The following MAK16 variants were observed in gnomAD, a reference collection of about 807,000 sequenced individuals.
The protein encoded by MAK16 is MAK16 homolog.
Under a neutral mutation model 49.9 loss-of-function variants are expected in MAK16, and 12 were observed. The observed-to-expected ratio is 0.24, with a 90% CI of 0.15 to 0.39. The LOEUF (loss-of-function observed/expected upper bound fraction) is 0.39, where lower values mean the gene tolerates loss of function less well. MAK16 is among the 10% of genes least tolerant of loss of function. The probability of loss-of-function intolerance (pLI) is 1.00; values close to 1 mark genes in which losing one functional copy is unlikely to be tolerated. For synonymous variants in MAK16, 115 were observed against 126.4 expected (o/e 0.91, Z 0.60); for missense variants, 292 against 363.7 (o/e 0.80, Z 1.60).
intron 7 of MAK16, among the ~76,000 whole-genome samples, chr8:33,496,257 C>T (rs1052268476): frequency 1.3e-5 from 2 of 152,070 alleles, no homozygotes; most frequent in African/African-American, 4.8e-5. Flanking sequence ...AGTTTTTATT[C>T]TCTTTTTAAA....
chr8:33,490,317 A>T lies in MAK16; in HGVS notation c.425A>T (p.Glu142Val). The change falls in exon 6 of 10, where the codon GAG becomes GTG. Residue 142 changes from glutamate (E) to valine (V), a missense_variant. Coordinates refer to ENST00000360128, the MANE Select transcript of MAK16 (RefSeq NM_032509.4). ...CTTGTTCCTTTGAGTAAGAAGGTGG[A>T]GCGTAGGGAGAAAAGAAGAGAGGTA... The part of the protein sequence containing the change: ...RKLVPLSKKV[E>V]RREKRREEKA... 1.2e-6 allele frequency: 2 copies of T among 1,613,128 alleles called. No individual in the cohort carries two copies. Among genetic ancestry groups the T allele is most frequent in the South Asian group, 2.2e-5 (2 of 91,012 alleles).
At chr8:33,492,618 A>T (rs1808794965) in intron 6 of MAK16, among the ~76,000 whole-genome samples, 1 of 152,144 alleles carries the variant, frequency 6.6e-6, no homozygotes, top group Non-Finnish European at 1.5e-5. Flanking sequence ...GCATATGGAG[A>T]TCAAGTTTTT....
At chr8:33,494,671 TTA>T (rs1421815274) in intron 6 of MAK16, among the ~76,000 whole-genome samples, 2 of 152,150 alleles carry the variant, frequency 1.3e-5, no homozygotes, top group Non-Finnish European at 2.9e-5. Flanking sequence ...GTTAAATTTT[TTA>T]AGGAAAAAGA....
Position 33,499,239 on chromosome 8 carries a change from T to C in MAK16, c.*610T>C. 1 of 1,614,146 alleles carries C rather than the reference T, an allele frequency of 6.2e-7. No homozygotes were observed. The highest frequency in any genetic ancestry group is 1.3e-5 in the African/African-American group (1 of 75,058). On this transcript the variant is annotated 3_prime_UTR_variant, in exon 10 of 10. Coordinates refer to ENST00000360128, the MANE Select transcript of MAK16 (RefSeq NM_032509.4). ...CTTTTCTGATATAGTTCACCACTTTTCTGTCTTCACAGCTTTGGGGAATTT... is the reference window on the plus strand; with the variant it reads ...CTTTTCTGATATAGTTCACCACTTTCCTGTCTTCACAGCTTTGGGGAATTT...
chr8:33,498,211 G>A (rs942907434), intron 9 of MAK16, among the ~76,000 whole-genome samples: 4 of 143,884 alleles, frequency 2.8e-5, no homozygotes, highest in African/African-American at 5.2e-5. Flanking sequence ...GTTTGAGGCT[G>A]CAGTGAGCCA....
chr8:33,490,879 A>G (rs1416925508), intron 6 of MAK16, among the ~76,000 whole-genome samples: 7 of 152,074 alleles, frequency 4.6e-5, no homozygotes, highest in Non-Finnish European at 8.8e-5. Context: ...ACTAGGTCTT[A>G]TTTCATTCTT....
chr8:33,496,182 T>C (rs1808856019), intron 7 of MAK16, among the ~76,000 whole-genome samples: 1 of 152,178 alleles, frequency 6.6e-6, no homozygotes, highest in Non-Finnish European at 1.5e-5. Context: ...CAGATTTCTG[T>C]ATAAAAGCCA....
At position 33,499,525 on chromosome 8, in the gene MAK16, G is replaced by C; in HGVS notation, c.*896G>C. 5.0e-6 allele frequency: 2 copies of C among 398,768 alleles called. No individual in the cohort carries two copies. Among genetic ancestry groups the C allele is most frequent in the Non-Finnish European group, 9.1e-6 (2 of 219,028 alleles). The allele number at this position is 398,768 out of a possible 1,614,324, so 24.7% of individuals were successfully genotyped here. On this transcript the variant is annotated 3_prime_UTR_variant, in exon 10 of 10. Coordinates refer to ENST00000360128, the MANE Select transcript of MAK16 (RefSeq NM_032509.4). ...ACTTGCAAATCTCCTGCTGGCTCAT[G>C]AAACAGCAGAATTCCAGCCAAGGCA...
chr8:33,494,142 C>T (rs536635086), intron 6 of MAK16, among the ~76,000 whole-genome samples: 120 of 152,276 alleles, frequency 7.9e-4, no homozygotes, highest in African/African-American at 2.7e-3. Flanking sequence ...GGCGCCATCT[C>T]GGCTCACTGC....
Position 33,489,216 on chromosome 8 carries a change from C to T in MAK16, c.392+77C>T. The T allele has an allele frequency of 7.5e-7, 1 of 1,341,072 alleles. No homozygotes were observed. The highest frequency in any genetic ancestry group is 1.0e-6 in the Non-Finnish European group (1 of 966,068). The allele number at this position is 1,341,072 out of a possible 1,614,324, so 83.1% of individuals were successfully genotyped here. A position where few individuals can be genotyped will look rare whatever the true frequency, so the allele number is the denominator to read the frequency against. ...GTTTTGAAGTTGAGAAATTGTGAAA[C>T]TTCGGGGCTTTCTATTCAACTTTGT... is the stretch of plus-strand genomic sequence containing the variant. On this transcript the variant is annotated intron_variant, in intron 5 of 9. Coordinates refer to ENST00000360128, the MANE Select transcript of MAK16 (RefSeq NM_032509.4). The surrounding 1 kb of genome is among the most constrained non-coding windows in gnomAD (Gnocchi z 4.2).
chr8:33,495,718 T>C, intron 7 of MAK16, 102 bp downstream of exon 7: 1 of 328,922 alleles, frequency 3.0e-6, no homozygotes. Flanking sequence ...TTTTTTTTTT[T>C]TTTTTTTTTT....
Position 33,488,622 on chromosome 8 carries a change from A to G in MAK16, c.168A>G (p.Glu56=). The G allele has an allele frequency of 6.2e-7, 1 of 1,614,120 alleles. No homozygotes were observed. The highest frequency in any genetic ancestry group is 8.5e-7 in the Non-Finnish European group (1 of 1,179,952). The change falls in exon 3 of 10, where the codon GAA becomes GAG. Residue 56 remains glutamate (E), a synonymous_variant. Coordinates refer to ENST00000360128, the MANE Select transcript of MAK16 (RefSeq NM_032509.4). ...ATAGTCAGTATGCCACTATTAAAGA[A>G]GAGAAAGGTAACTCCCCAGTTTTAA... is the stretch of plus-strand genomic sequence containing the variant. The part of the protein sequence containing the change: ...LANSQYATIK[E]EKGQCYLYMK...
intron 1 of MAK16, among the ~76,000 whole-genome samples, chr8:33,486,178 A>T (rs902886193): frequency 6.6e-6 from 1 of 152,146 alleles, no homozygotes; most frequent in Non-Finnish European, 1.5e-5. Context: ...TTAATGATCT[A>T]TGTTTGTGAA....
chr8:33,489,159 A>G lies in MAK16; in HGVS notation c.392+20A>G. ...GCGACAGTAAGTATTTGGATCATTC[A>G]TTATTTTTAAATCTCTCTTTTTATG... On this transcript the variant is annotated intron_variant, in intron 5 of 9. Transcript: ENST00000360128. This position sits in a 1 kb window ranked among gnomAD's most constrained non-coding sequence, Gnocchi z 4.2. The G allele has an allele frequency of 2.5e-6, 4 of 1,588,320 alleles. No homozygotes were observed. The highest frequency in any genetic ancestry group is 2.6e-6 in the Non-Finnish European group (3 of 1,166,360).
In MAK16 at chr8:33,498,986, G is replaced by C; in HGVS notation, c.*357G>C. 1.6e-6 allele frequency: 1 copy of C among 607,812 alleles called. No homozygotes were observed. Among genetic ancestry groups the C allele is most frequent in the Non-Finnish European group, 2.9e-6 (1 of 346,662 alleles). 37.7% of individuals were successfully genotyped at this position (607,812 alleles called of 1,614,324 possible). On this transcript the variant is annotated 3_prime_UTR_variant, in exon 10 of 10. Coordinates refer to ENST00000360128, the MANE Select transcript of MAK16 (RefSeq NM_032509.4). ...TTCTCCCAAACTTTATTTAGAAATG[G>C]AAGGAGTTCAATTTTTTCTTGTTCT...
At chr8:33,498,067 G>A (rs1283777477) in intron 9 of MAK16, among the ~76,000 whole-genome samples, 3 of 148,944 alleles carry the variant, frequency 2.0e-5, no homozygotes, top group Non-Finnish European at 4.4e-5. Flanking sequence ...CTACACTCCA[G>A]CCTGGGCAAC....
At chr8:33,496,168 A>G (rs568440372) in intron 7 of MAK16, among the ~76,000 whole-genome samples, 2 of 152,190 alleles carry the variant, frequency 1.3e-5, no homozygotes, top group South Asian at 4.2e-4. Flanking sequence ...CAAGACAACA[A>G]TTCCAGATTT....
chr8:33,500,849 G>A lies in MAK16; in HGVS notation c.*2220G>A. ...TTTTCAACTCTATTAACTGAACTAT[G>A]CTTGGAGAGAGCCCTGAATCCTTTA... On this transcript the variant is annotated 3_prime_UTR_variant, in exon 10 of 10. Transcript: ENST00000360128. 5.2e-6 allele frequency: 1 copy of A among 192,052 alleles called. No individual in the cohort carries two copies. The highest frequency in any genetic ancestry group is 1.4e-4 in the East Asian group (1 of 7,042). 11.9% of individuals were successfully genotyped at this position (192,052 alleles called of 1,614,324 possible).
chr8:33,496,684 G>T lies in MAK16; in HGVS notation c.582G>T (p.Glu194Asp). The part of the protein sequence containing the change: ...HAFDKALEQQ[E>D]AESDSSDTEE... ...TCGACAAAGCCCTGGAACAACAGGA[G>T]GCAGAGAGTGACTCTTCAGATACTG... Residue 194 changes from glutamate (E) to aspartate (D), a missense_variant, in exon 8 of 10, where the codon GAG becomes GAT. By Grantham distance (45) the Glu-to-Asp change is conservative. Coordinates refer to ENST00000360128, the MANE Select transcript of MAK16 (RefSeq NM_032509.4). The T allele has an allele frequency of 6.2e-7, 1 of 1,613,606 alleles. No homozygotes were observed. Among genetic ancestry groups the T allele is most frequent in the Non-Finnish European group, 8.5e-7 (1 of 1,179,806 alleles).
Sources: allele counts gnomAD v4.1 joint callset (sites outside exome capture counted in the v4.1 genomes callset), GRCh38; gene constraint gnomAD v4.1.1; non-coding constraint Gnocchi (gnomAD v3.1); transcripts MANE v1.5; gene names NCBI Gene and HGNC (gene_info 2026-07-23, HGNC 2026-07-21).